The following LOC101059915 variants were observed in gnomAD, a reference collection of about 807,000 sequenced individuals.
chrX:71,668,720 G>A, the LOC101059915 span: 1 of 1,077,220 alleles, frequency 9.3e-7, no homozygotes, highest in Non-Finnish European at 1.2e-6. Context: ...AGCTGCTCAG[G>A]AGCTGCCGTT....
chrX:71,668,932 A>C, the LOC101059915 span: 1 of 1,148,849 alleles, frequency 8.7e-7, no homozygotes, highest in Non-Finnish European at 1.2e-6. Context: ...CAAGGAGCCC[A>C]AGCACAGCAG....
the LOC101059915 span, chrX:71,670,312 C>T: frequency 2.8e-5 from 33 of 1,163,845 alleles, no homozygotes; most frequent in Non-Finnish European, 9.2e-6. Flanking sequence ...CAGCAGCCCC[C>T]GGGAGCCCAG....
chrX:71,668,530 A>G, the LOC101059915 span: 1 of 1,140,760 alleles, frequency 8.8e-7, no homozygotes, highest in South Asian at 2.1e-5. Flanking sequence ...GCCAGGAGAC[A>G]CTTGCGGACG....
the LOC101059915 span, chrX:71,669,068 C>T: frequency 8.8e-7 from 1 of 1,131,919 alleles, no homozygotes; most frequent in Admixed American, 2.9e-5. Context: ...CGCACTCCTC[C>T]TTCTCCTCCT....
At chrX:71,668,862 T>G in the LOC101059915 span, 1 of 1,097,689 alleles carries the variant, frequency 9.1e-7, no homozygotes, top group Non-Finnish European at 1.2e-6. Context: ...CAGTTCCACC[T>G]GATCCGGCTA....
At chrX:71,670,470 A>C in the LOC101059915 span, 1 of 1,097,035 alleles carries the variant, frequency 9.1e-7, no homozygotes. Flanking sequence ...CCTCCTTTCC[A>C]TTGAGGGTTT....
the LOC101059915 span, chrX:71,671,366 A>T: frequency 1.3e-6 from 1 of 785,102 alleles, no homozygotes; most frequent in Non-Finnish European, 1.8e-6. Flanking sequence ...TGGAGCCAGC[A>T]TCTTCCTACA....
chrX:71,670,648 G>C, the LOC101059915 span: 2 of 1,113,333 alleles, frequency 1.8e-6, no homozygotes, highest in Non-Finnish European at 2.3e-6. Flanking sequence ...AGACCTTAGA[G>C]ACCAACTAGG....
the LOC101059915 span, chrX:71,669,595 G>A: frequency 9.4e-6 from 9 of 961,173 alleles, no homozygotes; most frequent in East Asian, 4.1e-5. Flanking sequence ...TTCTCTGTCC[G>A]TGCGTCGTGG....
the LOC101059915 span, chrX:71,669,113 C>G: frequency 3.7e-6 from 4 of 1,067,222 alleles, no homozygotes; most frequent in African/African-American, 7.5e-5. Flanking sequence ...CTGTCTCCCC[C>G]CACCCACCTC....
chrX:71,671,196 C>T, the LOC101059915 span: 150 of 1,163,826 alleles, frequency 1.3e-4, no homozygotes, highest in South Asian at 2.8e-3. Context: ...AGTTCTGTCT[C>T]TCTGTTTCAG....
the LOC101059915 span, chrX:71,669,816 C>T: frequency 3.7e-6 from 3 of 801,177 alleles, no homozygotes; most frequent in Non-Finnish European, 4.9e-6. Flanking sequence ...CCAGGCTTCC[C>T]TGCCCACCCA....
the LOC101059915 span, chrX:71,669,668 C>T: frequency 8.3e-5 from 81 of 970,306 alleles, no homozygotes; most frequent in Non-Finnish European, 9.0e-5. Flanking sequence ...TCACAGCCCT[C>T]GGCCTTTACC....
At chrX:71,668,154 C>T in the LOC101059915 span, 5 of 1,134,524 alleles carry the variant, frequency 4.4e-6, no homozygotes, top group South Asian at 2.2e-5. Context: ...CGCCGTCCAG[C>T]GTCCAGGGAC....
the LOC101059915 span, chrX:71,669,002 A>T: frequency 2.4e-4 from 278 of 1,163,280 alleles, no homozygotes; most frequent in Non-Finnish European, 3.0e-4. Context: ...GCCAGAGAAG[A>T]TAATGACCCA....
chrX:71,671,454 TC>T, the LOC101059915 span: 2 of 403,935 alleles, frequency 5.0e-6, no homozygotes, highest in Non-Finnish European at 8.7e-6. Context: ...AGCCAGGGCT[TC>T]CTCTCTTCTG....
At chrX:71,668,812 C>A in the LOC101059915 span, 1 of 1,083,556 alleles carries the variant, frequency 9.2e-7, no homozygotes, top group South Asian at 2.4e-5. Flanking sequence ...AGAACTGGCC[C>A]TGCGGGGAGC....
chrX:71,671,204 C>T, the LOC101059915 span: 1 of 1,163,807 alleles, frequency 8.6e-7, no homozygotes, highest in African/African-American at 1.8e-5. Context: ...CTCTCTGTTT[C>T]AGCTGCCATG....
chrX:71,668,329 G>A, the LOC101059915 span: 1 of 1,136,054 alleles, frequency 8.8e-7, no homozygotes, highest in African/African-American at 1.8e-5. Context: ...ACCGGCCTGG[G>A]AGAACCCAGA....
Sources: allele counts gnomAD v4.1 joint callset, GRCh38; gene constraint gnomAD v4.1.1; transcripts MANE v1.5.